Variants in WDR47 observed in about 807,000 individuals in gnomAD.
WDR47 encodes WD repeat domain 47.
WDR47 carries 32 observed loss-of-function variants against 97.2 expected under a neutral mutation model. The observed-to-expected ratio is 0.33, with a 90% CI of 0.25 to 0.44. The LOEUF is 0.44. Among genes scored for constraint, WDR47 ranks in the 20% least tolerant of loss-of-function variants. WDR47 has a pLI of 1.00. For synonymous variants in WDR47, 375 were observed against 373.5 expected (o/e 1.00, Z -0.05); for missense variants, 782 against 1,102.3 (o/e 0.71, Z 4.11).
rs1013805212 is a variant in WDR47 at position 109,041,929 on chromosome 1, G to A, written c.-77C>T. The A allele has an allele frequency of 1.3e-5, 2 of 152,672 alleles. No homozygotes were observed. The highest frequency in any genetic ancestry group is 1.5e-5 in the Non-Finnish European group (1 of 68,320). The allele number at this position is 152,672 out of a possible 1,614,324, so 9.5% of individuals were successfully genotyped here. A position where few individuals can be genotyped will look rare whatever the true frequency, so the allele number is the denominator to read the frequency against. ...CGCGGCTGGGAGGCCGGCGGCCAGG[G>A]CCCCGAAGCGGCCGGCTCCGGGCTG... is the stretch of plus-strand genomic sequence containing the variant. On this transcript the variant is annotated 5_prime_UTR_variant, in exon 1 of 15. Transcript: ENST00000369962.
At chr1:108,982,369 C>CA in intron 12 of WDR47, among the ~76,000 whole-genome samples, 1 of 151,822 alleles carries the variant, frequency 6.6e-6, no homozygotes, top group Non-Finnish European at 1.5e-5. Flanking sequence ...ACCATATCTA[C>CA]AAAAAAATTT....
Position 108,971,380 on chromosome 1 carries a change from T to G in WDR47, c.*50A>C. The G allele has an allele frequency of 1.9e-6, 3 of 1,606,976 alleles. No individual in the cohort carries two copies. The highest frequency in any genetic ancestry group is 2.6e-6 in the Non-Finnish European group (3 of 1,175,534). ...CAGATTTGTAATTTTCACAACTCAGTAGTCTTAAGTCTCTGTGCTTTTGCT... is the reference window on the plus strand; with the variant it reads ...CAGATTTGTAATTTTCACAACTCAGGAGTCTTAAGTCTCTGTGCTTTTGCT... On this transcript the variant is annotated 3_prime_UTR_variant, in exon 15 of 15. Coordinates refer to ENST00000369962, the MANE Select transcript of WDR47 (RefSeq NM_001142551.2).
chr1:108,987,748 A>G (rs1167199703), intron 9 of WDR47, among the ~76,000 whole-genome samples: 3 of 151,192 alleles, frequency 2.0e-5, no homozygotes, highest in East Asian at 4.0e-4. Context: ...GATTACAGGC[A>G]TGAGCCACCG....
chr1:109,038,009 T>C (rs1663083441), intron 1 of WDR47, among the ~76,000 whole-genome samples: 1 of 152,090 alleles, frequency 6.6e-6, no homozygotes, highest in South Asian at 2.1e-4. Context: ...GCATTTTTTT[T>C]TTAATTGTTT....
intron 9 of WDR47, 148 bp from the exon 10 acceptor site, chr1:108,986,828 T>C (rs1658867569): frequency 1.5e-6 from 1 of 667,910 alleles, no homozygotes; most frequent in Non-Finnish European, 2.4e-6. Flanking sequence ...CTTTTCTCTA[T>C]GTTTTTCTTA....
intron 2 of WDR47, among the ~76,000 whole-genome samples, chr1:109,020,824 TTGTTATTGC>T (rs1661781593): frequency 6.6e-6 from 1 of 152,102 alleles, no homozygotes; most frequent in Non-Finnish European, 1.5e-5. Context: ...TAATAAAGCT[TTGTTATTGC>T]TGTTATTGTT....
intron 1 of WDR47, among the ~76,000 whole-genome samples, chr1:109,027,252 C>T (rs1336126357): frequency 4.6e-5 from 7 of 152,048 alleles, no homozygotes; most frequent in Non-Finnish European, 7.4e-5. Context: ...GACGGGGTTT[C>T]GCCATGTTTG....
chr1:109,026,400 A>G (rs1359696106), intron 1 of WDR47, among the ~76,000 whole-genome samples: 1 of 150,622 alleles, frequency 6.6e-6, no homozygotes, highest in Non-Finnish European at 1.5e-5. Flanking sequence ...AATTCTGATC[A>G]TATCAGAACT....
intron 1 of WDR47, among the ~76,000 whole-genome samples, chr1:109,027,089 C>T (rs1188564572): frequency 6.6e-6 from 1 of 151,822 alleles, no homozygotes; most frequent in Non-Finnish European, 1.5e-5. Context: ...CAGAGTCTCC[C>T]TCTGTTGCCC....
At chr1:109,001,708 G>T (rs1660204182) in intron 7 of WDR47, among the ~76,000 whole-genome samples, 1 of 152,056 alleles carries the variant, frequency 6.6e-6, no homozygotes, top group Non-Finnish European at 1.5e-5. Context: ...TGGGCAACAA[G>T]GCAAAACCCT....
At position 109,011,011 on chromosome 1, in the gene WDR47, A is replaced by G. The variant is rs1661001771; in HGVS notation, c.1035T>C (p.Phe345=). 6.2e-7 allele frequency: 1 copy of G among 1,614,172 alleles called. No homozygotes were observed. The highest frequency in any genetic ancestry group is 1.3e-5 in the African/African-American group (1 of 75,062). The part of the protein sequence containing the change: ...GNKTSPMSHS[F]ANFHYPGVQN... ...GTACCCCTGGATAATGGAAGTTAGC[A>G]AAGGAGTGTGACATTGGAGAAGTTT... Residue 345 remains phenylalanine (F), a synonymous_variant, in exon 5 of 15, where the codon TTT becomes TTC. Coordinates refer to ENST00000369962, the MANE Select transcript of WDR47 (RefSeq NM_001142551.2).
intron 5 of WDR47, among the ~76,000 whole-genome samples, chr1:109,005,673 G>C (rs1660543949): frequency 6.6e-6 from 1 of 151,938 alleles, no homozygotes; most frequent in African/African-American, 2.4e-5. Flanking sequence ...AGGAGATCGA[G>C]ACCATCTGGC....
intron 5 of WDR47, among the ~76,000 whole-genome samples, chr1:109,009,768 C>T (rs915418654): frequency 6.6e-6 from 1 of 151,972 alleles, no homozygotes; most frequent in Non-Finnish European, 1.5e-5. Context: ...GAGGCCGAGG[C>T]GGGTGGATCA....
chr1:109,013,959 A>T (rs756676809), intron 3 of WDR47, 34 bp from the exon 4 acceptor site: 1 of 1,486,430 alleles, frequency 6.7e-7, no homozygotes, highest in South Asian at 1.2e-5. Context: ...AATTTTTCCA[A>T]TGTCTGATGT....
intron 9 of WDR47, among the ~76,000 whole-genome samples, chr1:108,987,869 T>G (rs552920336): frequency 1.3e-5 from 2 of 152,254 alleles, no homozygotes; most frequent in African/African-American, 4.8e-5. Context: ...TTTCTATTTT[T>G]CATTACTCAT....
rs1252777148 is a variant in WDR47 at position 108,981,811 on chromosome 1, G to A, written c.2320C>T (p.Gln774Ter). Residue 774 changes from glutamine (Q) to a stop codon, truncating the protein, a stop_gained, in exon 13 of 15, where the codon CAA (glutamine) becomes TAA (stop). Coordinates refer to ENST00000369962, the MANE Select transcript of WDR47 (RefSeq NM_001142551.2). LOFTEE classifies it high-confidence loss of function. Reference protein sequence around the residue: ...WSGWMIASGSQDKTVRFWDLR... With the variant: ...WSGWMIASGS Reference sequence around the variant, plus strand: ...TCCCAAAATCTAACAGTCTTATCTTGGGAACCAGATGCAATCATCCAGCCA... The same window carrying A: ...TCCCAAAATCTAACAGTCTTATCTTAGGAACCAGATGCAATCATCCAGCCA... 1.2e-6 allele frequency: 2 copies of A among 1,613,682 alleles called. No individual in the cohort carries two copies. The highest frequency in any genetic ancestry group is 1.7e-6 in the Non-Finnish European group (2 of 1,179,876).
At position 108,971,382 on chromosome 1, in the gene WDR47, G is replaced by A. The variant is rs1162380525; in HGVS notation, c.*48C>T. 1 of 1,610,678 alleles carries A rather than the reference G, an allele frequency of 6.2e-7. No homozygotes were observed. The highest frequency in any genetic ancestry group is 1.1e-5 in the South Asian group (1 of 90,754). On this transcript the variant is annotated 3_prime_UTR_variant, in exon 15 of 15. Transcript: ENST00000369962. Reference sequence around the variant, plus strand: ...GATTTGTAATTTTCACAACTCAGTAGTCTTAAGTCTCTGTGCTTTTGCTGC... The same window carrying A: ...GATTTGTAATTTTCACAACTCAGTAATCTTAAGTCTCTGTGCTTTTGCTGC...
chr1:109,040,263 A>G (rs181838750), intron 1 of WDR47, among the ~76,000 whole-genome samples: 41 of 152,326 alleles, frequency 2.7e-4, no homozygotes, highest in African/African-American at 8.2e-4. Flanking sequence ...GGAAAACTGC[A>G]CATCTTTTCA....
At chr1:109,032,771 C>T (rs1190337543) in intron 1 of WDR47, among the ~76,000 whole-genome samples, 1 of 151,520 alleles carries the variant, frequency 6.6e-6, no homozygotes, top group Non-Finnish European at 1.5e-5. Flanking sequence ...GTGGCATGTG[C>T]CTATAATCCC....
Sources: gnomAD v4.1 joint callset for allele counts (sites outside exome capture counted in the v4.1 genomes callset) on GRCh38, gnomAD v4.1.1 for gene constraint, MANE v1.5 for transcripts, NCBI Gene and HGNC (gene_info 2026-07-23, HGNC 2026-07-21) for gene names.